CNGB3: variants seen among roughly 807,000 people sequenced by gnomAD.
CNGB3 encodes the protein cyclic nucleotide-gated channel beta-3.
CNGB3 carries 86 observed loss-of-function variants against 92.8 expected under a neutral mutation model. The ratio of observed to expected loss-of-function variants is 0.93; its 90% confidence interval spans 0.78 to 1.11. CNGB3 has a LOEUF of 1.11. Among genes scored for constraint, CNGB3 ranks in the 50% least tolerant of loss-of-function variants. The pLI is 0.00. For missense variants in CNGB3, 1,026 were observed against 956.8 expected, an observed-to-expected ratio of 1.07 and a Z score of -0.95; for synonymous variants, 333 against 332.7, an observed-to-expected ratio of 1.00 and a Z score of -0.01.
chr8:86,614,101 A>T (rs184805946), intron 13 of CNGB3, among the ~76,000 whole-genome samples: 1 of 152,098 alleles, frequency 6.6e-6, no homozygotes, highest in African/African-American at 2.4e-5. Context: ...AATTTTGAAT[A>T]TAAGTTTAAC....
chr8:86,683,875 ACTATAT>A (rs1404478224), intron 3 of CNGB3, among the ~76,000 whole-genome samples: 2 of 152,174 alleles, frequency 1.3e-5, no homozygotes, highest in African/African-American at 4.8e-5. Context: ...AGAACATAAA[ACTATAT>A]GTTTTAGAAA....
intron 14 of CNGB3, among the ~76,000 whole-genome samples, chr8:86,607,491 C>T (rs906933625): frequency 1.8e-4 from 27 of 152,176 alleles, no homozygotes; most frequent in Non-Finnish European, 1.0e-4. Context: ...TTATGACACT[C>T]AAGGGCACCC....
intron 3 of CNGB3, among the ~76,000 whole-genome samples, chr8:86,711,570 T>C (rs1015573354): frequency 2.0e-5 from 3 of 152,100 alleles, no homozygotes; most frequent in African/African-American, 4.8e-5. Context: ...CCATGATAAA[T>C]AGTGAAGCAA....
chr8:86,614,708 C>T (rs893304523), intron 13 of CNGB3, among the ~76,000 whole-genome samples: 1 of 152,110 alleles, frequency 6.6e-6, no homozygotes, highest in Admixed American at 6.5e-5. Context: ...ACAACGGCAT[C>T]GGCCAATATA....
In CNGB3 at chr8:86,662,045, C is replaced by T. The variant is rs143459261; in HGVS notation, c.852+4880G>A. On this transcript the variant is annotated intron_variant, in intron 6 of 17. Coordinates refer to ENST00000320005, the MANE Select transcript of CNGB3 (RefSeq NM_019098.5). ...GGAGACTGGCCCAGGTGCAGGGCTG[C>T]GAGGGTGCGCTGCTGTCCCCGTGCC... 2.0e-3 allele frequency: 600 copies of T among 301,334 alleles called. 1 individual carries two copies. The highest frequency in any genetic ancestry group is 0.012 in the African/African-American group (563 of 46,206). The allele number at this position is 301,334 out of a possible 1,614,324, so 18.7% of individuals were successfully genotyped here. A position where few individuals can be genotyped will look rare whatever the true frequency, so the allele number is the denominator to read the frequency against.
intron 15 of CNGB3, among the ~76,000 whole-genome samples, chr8:86,598,297 G>A (rs886197212): frequency 8.5e-5 from 13 of 152,204 alleles, no homozygotes; most frequent in African/African-American, 2.9e-4. Flanking sequence ...TCCAGTGAGA[G>A]ATGGATGAAC....
intron 8 of CNGB3, among the ~76,000 whole-genome samples, chr8:86,647,365 T>G (rs1185063318): frequency 6.6e-6 from 1 of 151,020 alleles, no homozygotes; most frequent in Non-Finnish European, 1.5e-5. Flanking sequence ...GTTTACATTT[T>G]TTTTTAGAAT....
intron 8 of CNGB3, among the ~76,000 whole-genome samples, chr8:86,645,117 A>T (rs1038680310): frequency 2.0e-5 from 3 of 151,414 alleles, no homozygotes; most frequent in Non-Finnish European, 3.0e-5. Context: ...ATTATTTTTC[A>T]GTAAATTGCA....
intron 15 of CNGB3, among the ~76,000 whole-genome samples, chr8:86,592,169 G>A (rs902660012): frequency 4.6e-5 from 7 of 152,140 alleles, no homozygotes; most frequent in Admixed American, 2.0e-4. Flanking sequence ...TGCGCTTCCC[G>A]AGTGAGGCAA....
At chr8:86,672,987 A>C (rs914312265) in intron 3 of CNGB3, among the ~76,000 whole-genome samples, 1 of 152,184 alleles carries the variant, frequency 6.6e-6, no homozygotes. Flanking sequence ...AGCCAGAATA[A>C]CTTTTTTCCT....
intron 10 of CNGB3, among the ~76,000 whole-genome samples, chr8:86,638,356 G>C (rs1823114232): frequency 6.6e-6 from 1 of 152,104 alleles, no homozygotes; most frequent in Admixed American, 6.6e-5. Flanking sequence ...GTGAGTTCCA[G>C]TAACCCCATG....
At position 86,694,665 on chromosome 8, in the gene CNGB3, C is replaced by T. The variant is rs1478992420; in HGVS notation, c.339-23567G>A. 1.0e-4 allele frequency among the ~76,000 whole-genome samples: 15 copies of T among 147,504 alleles called. 1 individual carries two copies. The highest frequency in any genetic ancestry group is 8.2e-4 in the East Asian group (4 of 4,866). ...GGCACTCCTCACATCCCAGATGGGGCGGCGGGGTAGAGGCGCTCCCCACAT... is the reference window on the plus strand; with the variant it reads ...GGCACTCCTCACATCCCAGATGGGGTGGCGGGGTAGAGGCGCTCCCCACAT... On this transcript the variant is annotated intron_variant, in intron 3 of 17. Transcript: ENST00000320005.
intron 3 of CNGB3, chr8:86,707,590 G>C (rs1390954241): frequency 6.6e-6 from 1 of 152,428 alleles, no homozygotes; most frequent in Non-Finnish European, 1.5e-5. Context: ...AGATAATATG[G>C]GGCTCTGTGG....
intron 7 of CNGB3, 90 bp downstream of exon 7, chr8:86,653,922 C>G (rs1823452604): frequency 1.1e-6 from 1 of 918,812 alleles, no homozygotes; most frequent in Non-Finnish European, 1.8e-6. Context: ...TTCGTATGTA[C>G]AAACTTTGTT....
chr8:86,666,637 A>G (rs998560266), intron 6 of CNGB3, among the ~76,000 whole-genome samples: 45 of 152,180 alleles, frequency 3.0e-4, no homozygotes, highest in Non-Finnish European at 1.3e-4. Context: ...TAGGCACTTC[A>G]CAGGCCTCAA....
intron 13 of CNGB3, among the ~76,000 whole-genome samples, chr8:86,615,358 T>G (rs1822598806): frequency 6.6e-6 from 1 of 152,022 alleles, no homozygotes; most frequent in Admixed American, 6.6e-5. Context: ...TAATCCCAGA[T>G]TTTGGAGGCT....
chr8:86,641,878 A>G (rs1431710751), intron 10 of CNGB3, among the ~76,000 whole-genome samples: 1 of 151,950 alleles, frequency 6.6e-6, no homozygotes, highest in African/African-American at 2.4e-5. Flanking sequence ...CAGGTAATTT[A>G]TCTTGCATTT....
At chr8:86,588,948 G>A (rs963883611) in intron 15 of CNGB3, among the ~76,000 whole-genome samples, 1 of 151,972 alleles carries the variant, frequency 6.6e-6, no homozygotes, top group African/African-American at 2.4e-5. Context: ...GTAGAATTCG[G>A]CTGTGAATCC....
Position 86,697,677 on chromosome 8 carries a change from A to G in CNGB3, c.339-26579T>C, listed in dbSNP as rs556110574. Among the ~76,000 whole-genome samples the G allele has an allele frequency of 7.9e-5, 12 of 152,342 alleles. No homozygotes were observed. The South Asian group carries it at 1.4e-3, about 18-fold the overall frequency. ...TTTATTATACTTTAAGTTCTAGGGT[A>G]CATGTGCACAACGTGCAGGTTTGTT... is the stretch of plus-strand genomic sequence containing the variant. On this transcript the variant is annotated intron_variant, in intron 3 of 17. Transcript: ENST00000320005.
Sources: allele counts gnomAD v4.1 joint callset (sites outside exome capture counted in the v4.1 genomes callset), GRCh38; gene constraint gnomAD v4.1.1; transcripts MANE v1.5; gene names NCBI Gene and HGNC (gene_info 2026-07-23, HGNC 2026-07-21).